The following CACNA1D variants were observed in gnomAD, a reference collection of about 807,000 sequenced individuals.
CACNA1D encodes calcium voltage-gated channel subunit alpha1 D, also known as voltage-dependent L-type calcium channel subunit alpha-1D.
CACNA1D carries 55 observed loss-of-function variants against 257.1 expected under a neutral mutation model. The observed-to-expected ratio is 0.21, with a 90% CI of 0.17 to 0.27. CACNA1D has a LOEUF of 0.27. CACNA1D is among the 10% of genes least tolerant of loss of function. CACNA1D has a pLI of 1.00. For missense variants in CACNA1D, 1,876 were observed against 2,784.0 expected (o/e 0.67, Z 7.34); for synonymous variants, 980 against 1,014.9 (o/e 0.97, Z 0.65).
chr3:53,529,556 C>T (rs1277092343), intron 3 of CACNA1D, among the ~76,000 whole-genome samples: 1 of 152,116 alleles, frequency 6.6e-6, no homozygotes, highest in Non-Finnish European at 1.5e-5. Flanking sequence ...CTGTCATGAC[C>T]AGCAGCAGAA....
chr3:53,684,124 T>TG (rs988522571), intron 8 of CACNA1D, among the ~76,000 whole-genome samples: 7 of 152,184 alleles, frequency 4.6e-5, no homozygotes, highest in Admixed American at 4.6e-4. Flanking sequence ...GGGCAATGGG[T>TG]GACATCTTCA....
chr3:53,633,371 C>T lies in CACNA1D; in HGVS notation c.484-17408C>T, dbSNP rs536811684. ...GTGTGGTGGCATGTACTTACGGTCC[C>T]GGCTGCTCGGGAGGCGGAGGTTGTA... is the stretch of plus-strand genomic sequence containing the variant. On this transcript the variant is annotated intron_variant, in intron 3 of 47. Transcript: ENST00000350061. Among the ~76,000 whole-genome samples, 14 of 152,284 alleles carry T rather than the reference C, an allele frequency of 9.2e-5. No homozygotes were observed. In the East Asian group the frequency reaches 1.7e-3, roughly 19 times the overall value.
At chr3:53,557,374 A>G (rs2107617474) in intron 3 of CACNA1D, among the ~76,000 whole-genome samples, 1 of 152,122 alleles carries the variant, frequency 6.6e-6, no homozygotes, top group East Asian at 1.9e-4. Context: ...CATGCTTGTA[A>G]TCCCAGCTAC....
chr3:53,654,709 A>T (rs957864402), intron 4 of CACNA1D, among the ~76,000 whole-genome samples: 1 of 152,242 alleles, frequency 6.6e-6, no homozygotes, highest in African/African-American at 2.4e-5. Context: ...AAAGTTGGGT[A>T]GTTGTGACAA....
At chr3:53,698,858 C>G (rs2094596169) in intron 8 of CACNA1D, among the ~76,000 whole-genome samples, 2 of 150,042 alleles carry the variant, frequency 1.3e-5, no homozygotes, top group African/African-American at 4.9e-5. Context: ...TGATCAGACA[C>G]ACCATAACCA....
chr3:53,698,363 G>A (rs2108566695), intron 8 of CACNA1D, among the ~76,000 whole-genome samples: 1 of 152,248 alleles, frequency 6.6e-6, no homozygotes, highest in South Asian at 2.1e-4. Flanking sequence ...CCACATCACT[G>A]CAAAAAACAA....
At chr3:53,623,898 G>A (rs1170012531) in intron 3 of CACNA1D, among the ~76,000 whole-genome samples, 1 of 152,212 alleles carries the variant, frequency 6.6e-6, no homozygotes, top group Non-Finnish European at 1.5e-5. Flanking sequence ...GAATCAATAA[G>A]TAGAAGGAGA....
intron 10 of CACNA1D, among the ~76,000 whole-genome samples, chr3:53,719,077 G>A (rs1468312687): frequency 2.6e-5 from 4 of 152,182 alleles, no homozygotes; most frequent in East Asian, 1.9e-4. Context: ...ACTGTCTGCC[G>A]TGGGGGAGCC....
At chr3:53,589,612 AT>A (rs542491489) in intron 3 of CACNA1D, among the ~76,000 whole-genome samples, 162 of 152,112 alleles carry the variant, frequency 1.1e-3, no homozygotes, top group African/African-American at 3.7e-3. Flanking sequence ...ATTTTCCTCT[AT>A]GTGCTTTTCT....
chr3:53,718,570 T>TGC, intron 10 of CACNA1D, 182 bp downstream of exon 10: 19 of 717,894 alleles, frequency 2.6e-5, no homozygotes, highest in Non-Finnish European at 3.9e-5. Flanking sequence ...CCTGCACACC[T>TGC]CCCCACCCCC....
chr3:53,552,069 G>T (rs1354612060), intron 3 of CACNA1D, among the ~76,000 whole-genome samples: 1 of 152,218 alleles, frequency 6.6e-6, no homozygotes, highest in Non-Finnish European at 1.5e-5. Context: ...CCCTCTGGGG[G>T]TGGATCCCAC....
At chr3:53,650,627 A>C (rs2108271608) in intron 3 of CACNA1D, 152 bp from the exon 4 acceptor site, 1 of 760,940 alleles carries the variant, frequency 1.3e-6, no homozygotes, top group East Asian at 2.7e-5. Flanking sequence ...GCCCAGGGGC[A>C]GTGTAATTGT....
chr3:53,729,433 G>A (rs2094966779), intron 15 of CACNA1D, among the ~76,000 whole-genome samples: 1 of 152,076 alleles, frequency 6.6e-6, no homozygotes, highest in Non-Finnish European at 1.5e-5. Flanking sequence ...GGGGTCTCTG[G>A]GCTCCTGCAG....
chr3:53,731,982 C>T (rs202134928), intron 17 of CACNA1D, 34 bp from the exon 18 acceptor site: 444 of 1,387,230 alleles, frequency 3.2e-4, no homozygotes, highest in Non-Finnish European at 4.3e-4. Flanking sequence ...TTAAGTCAGT[C>T]TCCCCTCCTC....
intron 8 of CACNA1D, among the ~76,000 whole-genome samples, chr3:53,682,387 A>C (rs993007555): frequency 4.1e-5 from 6 of 146,644 alleles, no homozygotes; most frequent in African/African-American, 1.3e-4. Flanking sequence ...AAAAAAAAAA[A>C]AAAAAAAAAC....
At chr3:53,604,921 G>A (rs568758689) in intron 3 of CACNA1D, among the ~76,000 whole-genome samples, 8 of 152,268 alleles carry the variant, frequency 5.3e-5, no homozygotes, top group African/African-American at 1.7e-4. Context: ...GACAGTATCC[G>A]TAGTGGGTTC....
chr3:53,740,550 C>T, intron 21 of CACNA1D: 15 of 474,042 alleles, frequency 3.2e-5, no homozygotes, highest in East Asian at 2.2e-4. Flanking sequence ...GCGTGGAGTG[C>T]TTTTGATTTT....
chr3:53,782,258 GTGTGTGTA>G (rs1456129989), intron 39 of CACNA1D: 3 of 52,126 alleles, frequency 5.8e-5, no homozygotes, highest in African/African-American at 1.8e-4. Context: ...GTGTGTGTGT[GTGTGTGTA>G]TATATATATA....
intron 20 of CACNA1D, among the ~76,000 whole-genome samples, chr3:53,738,647 T>G (rs762062662): frequency 2.0e-5 from 3 of 152,192 alleles, no homozygotes; most frequent in Non-Finnish European, 4.4e-5. Flanking sequence ...CCCTGCTGCC[T>G]TACCCAAAAA....
Sources: gnomAD v4.1 joint callset for allele counts (sites outside exome capture counted in the v4.1 genomes callset) on GRCh38, gnomAD v4.1.1 for gene constraint, MANE v1.5 for transcripts, NCBI Gene and HGNC (gene_info 2026-07-23, HGNC 2026-07-21) for gene names.